The following TMEFF2 variants were observed in gnomAD, a reference collection of about 807,000 sequenced individuals.
TMEFF2 encodes the protein tomoregulin-2.
Under a neutral mutation model 53.8 loss-of-function variants are expected in TMEFF2, and 28 were observed. The observed-to-expected ratio is 0.52, with a 90% CI of 0.39 to 0.71. The LOEUF is 0.71. Ranked by LOEUF, TMEFF2 falls within the 30% of genes least tolerant of loss-of-function variation. The pLI is 0.00. For synonymous variants in TMEFF2, 162 were observed against 166.3 expected (o/e 0.97, Z 0.20); for missense variants, 353 against 455.2 (o/e 0.78, Z 2.04).
At chr2:192,110,620 A>C (rs1559130564) in intron 4 of TMEFF2, among the ~76,000 whole-genome samples, 1 of 152,236 alleles carries the variant, frequency 6.6e-6, no homozygotes, top group African/African-American at 2.4e-5. Flanking sequence ...ATAAACACAG[A>C]AATGTCAGAT....
At chr2:192,058,533 A>G (rs1311034619) in intron 4 of TMEFF2, among the ~76,000 whole-genome samples, 1 of 152,174 alleles carries the variant, frequency 6.6e-6, no homozygotes, top group Non-Finnish European at 1.5e-5. Context: ...TATATCACCT[A>G]ATTATAAAGT....
chr2:192,185,684 CTGAT>C lies in TMEFF2; in HGVS notation c.283-1205_283-1202del, dbSNP rs1426382615. On this transcript the variant is annotated intron_variant, in intron 2 of 9. Coordinates refer to ENST00000272771, the MANE Select transcript of TMEFF2 (RefSeq NM_016192.4). The stretch of plus-strand genomic sequence containing the variant: ...AAACACCTCTCAACATGTTGATAAT[CTGAT>C]TGATTAAAACCTGAAATTTATTATT... Among the ~76,000 whole-genome samples the C allele has an allele frequency of 5.3e-5, 8 of 152,030 alleles. No homozygotes were observed. In the East Asian group the frequency reaches 7.7e-4, roughly 15 times the overall value.
At chr2:192,005,155 A>T (rs1483412461) in intron 5 of TMEFF2, among the ~76,000 whole-genome samples, 2 of 152,352 alleles carry the variant, frequency 1.3e-5, no homozygotes, top group Middle Eastern at 3.4e-3. Flanking sequence ...GAATTATAAG[A>T]TAGAAGAGAA....
chr2:192,159,087 G>A (rs1690574576), intron 4 of TMEFF2, among the ~76,000 whole-genome samples: 1 of 152,082 alleles, frequency 6.6e-6, no homozygotes, highest in Non-Finnish European at 1.5e-5. Flanking sequence ...AGATTATTTT[G>A]TAACCCCACA....
intron 2 of TMEFF2, 26 bp from the exon 3 acceptor site, chr2:192,184,509 A>G (rs1390345946): frequency 6.2e-7 from 1 of 1,612,350 alleles, no homozygotes. Flanking sequence ...ATGTAAGCCT[A>G]TAGTTAGTAC....
chr2:191,958,547 G>A (rs949177374), intron 7 of TMEFF2, among the ~76,000 whole-genome samples: 3 of 152,018 alleles, frequency 2.0e-5, no homozygotes, highest in African/African-American at 4.8e-5. Flanking sequence ...TTCTGGATTC[G>A]TGCCATATTC....
chr2:192,097,740 T>G (rs549641294), intron 4 of TMEFF2, among the ~76,000 whole-genome samples: 4 of 152,188 alleles, frequency 2.6e-5, no homozygotes, highest in Non-Finnish European at 5.9e-5. Flanking sequence ...CTTTATATTT[T>G]TATTTTTAAT....
In TMEFF2 at chr2:192,072,578, G is replaced by T. The variant is rs1323180184; in HGVS notation, c.440-14803C>A. On this transcript the variant is annotated intron_variant, in intron 4 of 9. Coordinates refer to ENST00000272771, the MANE Select transcript of TMEFF2 (RefSeq NM_016192.4). ...CATGCATATTCGTATTTTTAGATTA[G>T]ATAAAATGAAGTTTTTTTCCCTGAA... is the stretch of plus-strand genomic sequence containing the variant. Among the ~76,000 whole-genome samples, 3 of 9,536 alleles carry T rather than the reference G, an allele frequency of 3.1e-4. No individual in the cohort carries two copies. In the Non-Finnish European group the frequency reaches 8.2e-3, roughly 26 times the overall value. 6.3% of individuals were successfully genotyped at this position (9,536 alleles called of 152,430 possible).
intron 4 of TMEFF2, among the ~76,000 whole-genome samples, chr2:192,104,055 A>G (rs1689093714): frequency 6.6e-6 from 1 of 152,136 alleles, no homozygotes; most frequent in Non-Finnish European, 1.5e-5. Flanking sequence ...AAAAGAAAGC[A>G]AAGGAAAGCA....
chr2:191,950,591 C>CTT (rs1448548460), intron 9 of TMEFF2, 184 bp from the exon 10 acceptor site: 1 of 849,424 alleles, frequency 1.2e-6, no homozygotes, highest in Non-Finnish European at 1.9e-6. Context: ...GTGCAGTTGT[C>CTT]TTTAAATTTT....
intron 4 of TMEFF2, among the ~76,000 whole-genome samples, chr2:192,075,285 T>TTATATATATATATATATAAATATATAAA (rs59510075): frequency 1.5e-5 from 1 of 65,776 alleles, no homozygotes; most frequent in Non-Finnish European, 2.7e-5. Context: ...TACAGTACTA[T>TTATATATATATATATATAAATATATAAA]TATATATATA....
intron 7 of TMEFF2, among the ~76,000 whole-genome samples, chr2:191,975,734 A>T (rs529451884): frequency 6.6e-6 from 1 of 152,154 alleles, no homozygotes; most frequent in Admixed American, 6.5e-5. Context: ...AGGGATCTTC[A>T]TCTGAGATTT....
intron 5 of TMEFF2, among the ~76,000 whole-genome samples, chr2:192,032,942 T>C (rs941710157): frequency 6.6e-6 from 1 of 152,306 alleles, no homozygotes; most frequent in Non-Finnish European, 1.5e-5. Flanking sequence ...AGATTCAGGA[T>C]GGTATGGTTT....
chr2:192,029,876 A>G (rs1436517668), intron 5 of TMEFF2, among the ~76,000 whole-genome samples: 3 of 152,252 alleles, frequency 2.0e-5, no homozygotes, highest in Non-Finnish European at 4.4e-5. Context: ...ACATTTTTGA[A>G]AACCCCTTTA....
intron 5 of TMEFF2, among the ~76,000 whole-genome samples, chr2:192,027,114 G>T (rs1237687228): frequency 5.9e-5 from 9 of 152,114 alleles, no homozygotes; most frequent in African/African-American, 9.7e-5. Flanking sequence ...ATGTTTAGAG[G>T]GGGGACAGTT....
rs181138081 is a variant in TMEFF2 at position 192,176,269 on chromosome 2, C to G, written c.439+3399G>C. On this transcript the variant is annotated intron_variant, in intron 4 of 9. Coordinates refer to ENST00000272771, the MANE Select transcript of TMEFF2 (RefSeq NM_016192.4). ...TAGTTTATCTTGAATTTTTTTTTGT[C>G]AGGTGTGAATCTATCCAACAAGTTT... Among the ~76,000 whole-genome samples, 441 of 151,074 alleles carry G rather than the reference C, an allele frequency of 2.9e-3. 2 individuals are homozygous for G. Among genetic ancestry groups the G allele is most frequent in the Middle Eastern group, 6.8e-3 (2 of 292 alleles).
At chr2:192,127,925 G>A (rs1689717321) in intron 4 of TMEFF2, among the ~76,000 whole-genome samples, 1 of 151,978 alleles carries the variant, frequency 6.6e-6, no homozygotes, top group Non-Finnish European at 1.5e-5. Context: ...CTCCTCTTTG[G>A]AAACCCATTA....
At chr2:192,173,904 A>G (rs1690975569) in intron 4 of TMEFF2, among the ~76,000 whole-genome samples, 1 of 151,880 alleles carries the variant, frequency 6.6e-6, no homozygotes, top group Non-Finnish European at 1.5e-5. Flanking sequence ...TTCTTATAGT[A>G]TATGGGAATA....
chr2:192,036,001 CAT>C (rs1687283041), intron 5 of TMEFF2: 1 of 152,224 alleles, frequency 6.6e-6, no homozygotes, highest in South Asian at 2.1e-4. Context: ...TCGATGTGCT[CAT>C]GTGGATCAAA....
Sources: allele counts gnomAD v4.1 joint callset (sites outside exome capture counted in the v4.1 genomes callset), GRCh38; gene constraint gnomAD v4.1.1; transcripts MANE v1.5; gene names NCBI Gene and HGNC (gene_info 2026-07-23, HGNC 2026-07-21).